The following LHFPL6 variants were observed in gnomAD, a reference collection of about 807,000 sequenced individuals.
LHFPL6 encodes the protein LHFPL tetraspan subfamily member 6.
In LHFPL6, 9 loss-of-function variants were observed where a neutral mutation model predicts 20.6. The ratio of observed to expected loss-of-function variants is 0.44; its 90% confidence interval spans 0.26 to 0.76. The LOEUF is 0.76. Ranked by LOEUF, LHFPL6 falls within the 30% of genes least tolerant of loss-of-function variation. The pLI is 0.20. For synonymous variants in LHFPL6, 105 were observed against 98.7 expected, an observed-to-expected ratio of 1.06 and a Z score of -0.38; for missense variants, 218 against 253.5, an observed-to-expected ratio of 0.86 and a Z score of 0.95.
chr13:39,501,942 C>T (rs1869307244), intron 2 of LHFPL6, among the ~76,000 whole-genome samples: 1 of 152,214 alleles, frequency 6.6e-6, no homozygotes, highest in Non-Finnish European at 1.5e-5. Context: ...TTTCACCAGG[C>T]CACATGACTC....
intron 2 of LHFPL6, among the ~76,000 whole-genome samples, chr13:39,584,083 T>TAA (rs1872371154): frequency 6.6e-6 from 1 of 152,208 alleles, no homozygotes; most frequent in Non-Finnish European, 1.5e-5. Flanking sequence ...ATCATGTCTG[T>TAA]AATTTTACTT....
rs3035077 is a variant in LHFPL6, at chr13:39,566,731, T to TAAAAA, written c.385+34096_385+34100dup. Reference sequence around the variant, plus strand: ...CTGGGCAACAGAGCAAGACCCTGTCTAAAAAAAAAAAAAAAAAAAAAAAAA... The same window carrying TAAAAA: ...CTGGGCAACAGAGCAAGACCCTGTCTAAAAAAAAAAAAAAAAAAAAAAAAAAAAAA... On this transcript the variant is annotated intron_variant, in intron 2 of 3. Coordinates refer to ENST00000379589, the MANE Select transcript of LHFPL6 (RefSeq NM_005780.3). Among the ~76,000 whole-genome samples, 50 of 70,070 alleles carry TAAAAA rather than the reference T, an allele frequency of 7.1e-4. 1 individual carries two copies. Among genetic ancestry groups the TAAAAA allele is most frequent in the African/African-American group, 1.3e-3 (23 of 17,590 alleles). 46.0% of individuals were successfully genotyped at this position (70,070 alleles called of 152,430 possible). A position where few individuals can be genotyped will look rare whatever the true frequency, so the allele number is the denominator to read the frequency against.
intron 2 of LHFPL6, among the ~76,000 whole-genome samples, chr13:39,441,275 T>C (rs1224910518): frequency 2.0e-5 from 3 of 151,144 alleles, no homozygotes; most frequent in Non-Finnish European, 2.9e-5. Flanking sequence ...TGTGAGCCGC[T>C]GCACCTGGCC....
intron 2 of LHFPL6, among the ~76,000 whole-genome samples, chr13:39,560,382 G>C (rs1054271984): frequency 1.1e-4 from 17 of 151,476 alleles, no homozygotes; most frequent in African/African-American, 4.1e-4. Flanking sequence ...TTTCTGTTCT[G>C]TTTGTCTCCC....
chr13:39,423,461 T>C (rs1871549680), intron 2 of LHFPL6, among the ~76,000 whole-genome samples: 1 of 152,040 alleles, frequency 6.6e-6, no homozygotes, highest in Non-Finnish European at 1.5e-5. Flanking sequence ...GTCACTCTTG[T>C]TGCCCAGGCT....
intron 2 of LHFPL6, among the ~76,000 whole-genome samples, chr13:39,384,118 G>C (rs1187082956): frequency 6.6e-6 from 1 of 152,144 alleles, no homozygotes; most frequent in Admixed American, 6.5e-5. Flanking sequence ...CTCACAAAAG[G>C]GCAGAAGAGC....
intron 2 of LHFPL6, among the ~76,000 whole-genome samples, chr13:39,532,228 C>G (rs1870488026): frequency 6.6e-6 from 1 of 152,110 alleles, no homozygotes; most frequent in Non-Finnish European, 1.5e-5. Flanking sequence ...TACTCCTGCC[C>G]TAACTGCTGC....
At chr13:39,357,861 G>T (rs1314748358) in intron 3 of LHFPL6, among the ~76,000 whole-genome samples, 2 of 151,984 alleles carry the variant, frequency 1.3e-5, no homozygotes, top group Non-Finnish European at 2.9e-5. Flanking sequence ...CAAACAAACG[G>T]AAAAACATTC....
intron 2 of LHFPL6, among the ~76,000 whole-genome samples, chr13:39,566,809 C>G (rs74795445): frequency 6.7e-6 from 1 of 148,580 alleles, no homozygotes; most frequent in Non-Finnish European, 1.5e-5. Context: ...CTCTACTTGG[C>G]GGAACTCCTC....
intron 2 of LHFPL6, among the ~76,000 whole-genome samples, chr13:39,411,989 T>C (rs914231538): frequency 3.3e-5 from 5 of 152,132 alleles, no homozygotes; most frequent in African/African-American, 7.2e-5. Flanking sequence ...CTGTGGGACA[T>C]AAGTATTAGA....
intron 2 of LHFPL6, among the ~76,000 whole-genome samples, chr13:39,485,315 G>A (rs1430520266): frequency 6.6e-6 from 1 of 152,202 alleles, no homozygotes; most frequent in East Asian, 1.9e-4. Flanking sequence ...ACTTCTACTT[G>A]TATCTCAGAT....
At chr13:39,506,502 T>G (rs1386167617) in intron 2 of LHFPL6, among the ~76,000 whole-genome samples, 1 of 152,256 alleles carries the variant, frequency 6.6e-6, no homozygotes, top group Non-Finnish European at 1.5e-5. Flanking sequence ...CAGGCTAGGA[T>G]GATGATCCAC....
At chr13:39,401,884 T>C (rs890415258) in intron 2 of LHFPL6, among the ~76,000 whole-genome samples, 2 of 152,174 alleles carry the variant, frequency 1.3e-5, no homozygotes, top group African/African-American at 2.4e-5. Context: ...ACTAGGAAGA[T>C]AGGGAATGAT....
At chr13:39,528,880 T>G (rs1293482869) in intron 2 of LHFPL6, among the ~76,000 whole-genome samples, 1 of 152,196 alleles carries the variant, frequency 6.6e-6, no homozygotes, top group Non-Finnish European at 1.5e-5. Context: ...ATTTTGTTGC[T>G]TAGACACTTT....
intron 2 of LHFPL6, among the ~76,000 whole-genome samples, chr13:39,524,441 A>G (rs151068436): frequency 3.3e-5 from 5 of 152,280 alleles, no homozygotes; most frequent in African/African-American, 1.2e-4. Context: ...TACAATTTCT[A>G]TCACATAACT....
At chr13:39,347,012 G>A (rs528592437) in intron 3 of LHFPL6, among the ~76,000 whole-genome samples, 9 of 150,644 alleles carry the variant, frequency 6.0e-5, no homozygotes, top group African/African-American at 2.0e-4. Flanking sequence ...CCCGGGAGGC[G>A]GAGGTTGCAG....
intron 3 of LHFPL6, among the ~76,000 whole-genome samples, chr13:39,345,471 C>A (rs560511685): frequency 1.5e-5 from 2 of 136,446 alleles, no homozygotes; most frequent in East Asian, 2.3e-4. Flanking sequence ...TGAGATCACA[C>A]CACTGAACTC....
intron 2 of LHFPL6, among the ~76,000 whole-genome samples, chr13:39,530,897 AT>A (rs1870445666): frequency 6.6e-6 from 1 of 151,836 alleles, no homozygotes; most frequent in Non-Finnish European, 1.5e-5. Context: ...GAGGATGTTC[AT>A]TGTCAAAGCT....
chr13:39,559,603 T>C (rs1200876825), intron 2 of LHFPL6, among the ~76,000 whole-genome samples: 2 of 151,954 alleles, frequency 1.3e-5, no homozygotes, highest in African/African-American at 2.4e-5. Context: ...AAGCCAACGA[T>C]GTGCCTCTGC....
Sources: gnomAD v4.1 joint callset for allele counts (sites outside exome capture counted in the v4.1 genomes callset) on GRCh38, gnomAD v4.1.1 for gene constraint, MANE v1.5 for transcripts, NCBI Gene and HGNC (gene_info 2026-07-23, HGNC 2026-07-21) for gene names.